The following ATG5 variants were observed in gnomAD, a reference collection of about 807,000 sequenced individuals.
The protein encoded by ATG5 is autophagy related 5.
Under a neutral mutation model 36.5 loss-of-function variants are expected in ATG5, and 14 were observed. The ratio of observed to expected loss-of-function variants is 0.38; its 90% CI spans 0.25 to 0.60. The LOEUF (loss-of-function observed/expected upper bound fraction) is 0.60, where lower values mean the gene tolerates loss of function less well. Among genes scored for constraint, ATG5 ranks in the 20% least tolerant of loss-of-function variants. The pLI is 0.60. For missense variants in ATG5, 195 were observed against 326.7 expected, an observed-to-expected ratio of 0.60 and a Z score of 3.11; for synonymous variants, 95 against 101.5, an observed-to-expected ratio of 0.94 and a Z score of 0.38.
At chr6:106,304,345 T>C (rs1770346894) in intron 3 of ATG5, 1 of 152,200 alleles carries the variant, frequency 6.6e-6, no homozygotes, top group African/African-American at 2.4e-5. Context: ...TTTTATCTTT[T>C]ACAATATATG....
intron 6 of ATG5, among the ~76,000 whole-genome samples, chr6:106,243,586 T>G (rs1391671242): frequency 6.7e-6 from 1 of 149,582 alleles, no homozygotes; most frequent in Non-Finnish European, 1.5e-5. Context: ...ATTCCAGCAC[T>G]TTGGGAGGCT....
chr6:106,306,039 A>G (rs1017916373), intron 3 of ATG5, among the ~76,000 whole-genome samples: 2 of 152,234 alleles, frequency 1.3e-5, no homozygotes, highest in African/African-American at 4.8e-5. Flanking sequence ...ATAACTGTGG[A>G]AGTGATATAA....
intron 6 of ATG5, among the ~76,000 whole-genome samples, chr6:106,234,546 G>A (rs547464359): frequency 7.2e-5 from 11 of 152,304 alleles, no homozygotes; most frequent in East Asian, 3.9e-4. Flanking sequence ...CCTCCCACAC[G>A]AATAGTCTGC....
intron 2 of ATG5, among the ~76,000 whole-genome samples, chr6:106,308,947 G>A (rs1417170277): frequency 6.6e-6 from 1 of 152,040 alleles, no homozygotes; most frequent in Non-Finnish European, 1.5e-5. Flanking sequence ...TGTTTTGAAG[G>A]CTGAGAGAGA....
rs917736675 is a variant in ATG5, at chr6:106,215,596, T to C, written c.574-13507A>G. Among the ~76,000 whole-genome samples the C allele has an allele frequency of 2.6e-5, 4 of 152,086 alleles. No individual in the cohort carries two copies. In the South Asian group the frequency reaches 8.3e-4, roughly 32 times the overall value. On this transcript the variant is annotated intron_variant, in intron 6 of 7. Transcript: ENST00000369076. ...ATCTGATCAACAAATTTTAAAAACA[T>C]AGCACTTGAATACTATTAAAAATAT...
chr6:106,260,741 C>A (rs920495441), intron 5 of ATG5, among the ~76,000 whole-genome samples: 1 of 152,088 alleles, frequency 6.6e-6, no homozygotes, highest in Non-Finnish European at 1.5e-5. Flanking sequence ...AAACAGTATC[C>A]AATGAGTAAC....
rs112934946 is a variant in ATG5 at position 106,296,937 on chromosome 6, G to C, written c.237-3831C>G. Among the ~76,000 whole-genome samples the C allele has an allele frequency of 5.6e-3, 856 of 152,324 alleles. 5 individuals are homozygous for C. Among genetic ancestry groups the C allele is most frequent in the African/African-American group, 0.019 (803 of 41,562 alleles). On this transcript the variant is annotated intron_variant, in intron 3 of 7. Coordinates refer to ENST00000369076, the MANE Select transcript of ATG5 (RefSeq NM_004849.4). ...ACAATGGCAGAGAAAAAAACTGACA[G>C]AGGAAGATGTTTCACAATTATTAGA...
intron 7 of ATG5, among the ~76,000 whole-genome samples, chr6:106,199,031 G>T (rs181640991): frequency 2.5e-3 from 375 of 152,244 alleles, no homozygotes; most frequent in African/African-American, 8.5e-3. Context: ...TTAGAAAAAT[G>T]AGAATTAAAA....
intron 6 of ATG5, among the ~76,000 whole-genome samples, chr6:106,235,595 C>T (rs375430418): frequency 6.6e-6 from 1 of 152,112 alleles, no homozygotes; most frequent in African/African-American, 2.4e-5. Flanking sequence ...AGCTCACACC[C>T]GACCAATCAG....
intron 6 of ATG5, chr6:106,217,512 G>A (rs1259441478): frequency 6.6e-6 from 1 of 152,120 alleles, no homozygotes; most frequent in African/African-American, 2.4e-5. Context: ...CAGAACGCTC[G>A]CCACCAGTTA....
intron 6 of ATG5, among the ~76,000 whole-genome samples, chr6:106,204,116 T>C (rs1180542373): frequency 6.6e-6 from 1 of 151,856 alleles, no homozygotes; most frequent in Non-Finnish European, 1.5e-5. Context: ...TTAGGAGAAA[T>C]ACCTAACGTA....
chr6:106,259,905 T>C (rs1766205), intron 5 of ATG5, among the ~76,000 whole-genome samples: 13,074 of 152,230 alleles, frequency 0.086, 595 homozygotes, highest in South Asian at 0.13. Flanking sequence ...GTGGCACATA[T>C]AAACCATGGA....
At chr6:106,303,248 A>T (rs1302436643) in intron 3 of ATG5, among the ~76,000 whole-genome samples, 1 of 152,110 alleles carries the variant, frequency 6.6e-6, no homozygotes, top group Non-Finnish European at 1.5e-5. Flanking sequence ...AACACTACAG[A>T]TCCTAAAGTC....
chr6:106,202,725 G>A (rs535341734), intron 6 of ATG5, among the ~76,000 whole-genome samples: 8 of 152,042 alleles, frequency 5.3e-5, no homozygotes, highest in Non-Finnish European at 8.8e-5. Flanking sequence ...GCAGTGGCGC[G>A]ATCTCAGCTC....
chr6:106,242,845 A>G (rs1457286796), intron 6 of ATG5, among the ~76,000 whole-genome samples: 2 of 152,342 alleles, frequency 1.3e-5, no homozygotes, highest in Admixed American at 6.5e-5. Context: ...TTATTGCAAG[A>G]TATCTACTAA....
At chr6:106,259,696 G>GT (rs1427809664) in intron 5 of ATG5, among the ~76,000 whole-genome samples, 3 of 152,098 alleles carry the variant, frequency 2.0e-5, no homozygotes, top group African/African-American at 7.2e-5. Context: ...GAGTTATAGA[G>GT]TTTTTTAAAT....
chr6:106,267,292 T>A (rs761360291), intron 5 of ATG5, among the ~76,000 whole-genome samples: 4 of 152,156 alleles, frequency 2.6e-5, no homozygotes, highest in African/African-American at 9.7e-5. Context: ...ACAAGTGACA[T>A]GAAGGACCTC....
At chr6:106,238,617 A>G (rs1371004213) in intron 6 of ATG5, among the ~76,000 whole-genome samples, 2 of 152,206 alleles carry the variant, frequency 1.3e-5, no homozygotes, top group Admixed American at 6.5e-5. Context: ...ATACGAACAG[A>G]AAAAGCTGAA....
At chr6:106,295,142 T>C (rs945910659) in intron 3 of ATG5, among the ~76,000 whole-genome samples, 2 of 152,124 alleles carry the variant, frequency 1.3e-5, no homozygotes, top group African/African-American at 4.8e-5. Context: ...TCCTTCTCTC[T>C]AAAGTATTAA....
Sources: gnomAD v4.1 joint callset for allele counts (sites outside exome capture counted in the v4.1 genomes callset) on GRCh38, gnomAD v4.1.1 for gene constraint, MANE v1.5 for transcripts, NCBI Gene and HGNC (gene_info 2026-07-23, HGNC 2026-07-21) for gene names.